The following CEP350 variants were observed in gnomAD, a reference collection of about 807,000 sequenced individuals.
CEP350 encodes centrosomal protein 350.
CEP350 carries 126 observed loss-of-function variants against 331.8 expected under a neutral mutation model. The ratio of observed to expected loss-of-function variants is 0.38; its 90% CI spans 0.33 to 0.44. The LOEUF (loss-of-function observed/expected upper bound fraction) is 0.44, where lower values mean the gene tolerates loss of function less well. CEP350 is among the 20% of genes least tolerant of loss of function. CEP350 has a pLI of 1.00. For synonymous variants in CEP350, 1,200 were observed against 1,259.5 expected, an observed-to-expected ratio of 0.95 and a Z score of 1.00; for missense variants, 3,406 against 3,634.6, an observed-to-expected ratio of 0.94 and a Z score of 1.62.
At chr1:180,110,665 T>C (rs1318394225) in intron 37 of CEP350, among the ~76,000 whole-genome samples, 1 of 152,238 alleles carries the variant, frequency 6.6e-6, no homozygotes, top group Non-Finnish European at 1.5e-5. Flanking sequence ...TTTCCTCCCA[T>C]TAAATTCCTT....
At chr1:180,038,224 T>TTTTTG (rs373193114) in intron 17 of CEP350, among the ~76,000 whole-genome samples, 4 of 152,210 alleles carry the variant, frequency 2.6e-5, no homozygotes, top group Admixed American at 6.5e-5. Context: ...TATCAGTAGT[T>TTTTTG]TTTTGTTTTG....
intron 6 of CEP350, among the ~76,000 whole-genome samples, chr1:179,997,586 T>TA (rs1420717115): frequency 6.6e-6 from 1 of 150,682 alleles, no homozygotes; most frequent in African/African-American, 2.4e-5. Context: ...ATGTTAAAAA[T>TA]ACAGATTCCT....
chr1:180,075,596 A>C (rs892516000), intron 28 of CEP350, among the ~76,000 whole-genome samples: 1 of 151,972 alleles, frequency 6.6e-6, no homozygotes, highest in African/African-American at 2.4e-5. Flanking sequence ...TTAAAATGCA[A>C]ATGATTGAGG....
At chr1:180,080,708 C>G in intron 30 of CEP350, 47 bp downstream of exon 30, 1 of 1,535,552 alleles carries the variant, frequency 6.5e-7, no homozygotes, top group Non-Finnish European at 9.0e-7. Flanking sequence ...ATTTGAACAG[C>G]CTTTACTCTA....
chr1:179,987,243 A>T lies in CEP350; in HGVS notation c.77A>T (p.Asp26Val). 1 of 1,528,208 alleles carries T rather than the reference A, an allele frequency of 6.5e-7. No homozygotes were observed. The highest frequency in any genetic ancestry group is 9.0e-7 in the Non-Finnish European group (1 of 1,112,070). The allele number at this position is 1,528,208 out of a possible 1,614,324, so 94.7% of individuals were successfully genotyped here. ...NSQSKDTVQA[D>V]ITTSWDALSQ... ...TAAATATCATTTTTTTTCCCAGCAG[A>T]TATAACCACATCGTGGGATGCACTT... Residue 26 changes from aspartate to valine, a missense_variant, in exon 3 of 38, where the codon GAT becomes GTT. Coordinates refer to ENST00000367607, the MANE Select transcript of CEP350 (RefSeq NM_014810.5).
chr1:180,007,870 G>GTGTGTT (rs1462032433), intron 8 of CEP350, among the ~76,000 whole-genome samples: 13 of 151,228 alleles, frequency 8.6e-5, no homozygotes, highest in Non-Finnish European at 1.3e-4. Flanking sequence ...GTGTGTGTGT[G>GTGTGTT]TGTGTGTGTT....
intron 5 of CEP350, among the ~76,000 whole-genome samples, chr1:179,996,073 T>A (rs1653435780): frequency 1.3e-5 from 2 of 152,192 alleles, no homozygotes; most frequent in Admixed American, 1.3e-4. Flanking sequence ...TCTTAGGAAA[T>A]CTCTTTACAT....
intron 1 of CEP350, among the ~76,000 whole-genome samples, chr1:179,964,851 TG>T (rs543842276): frequency 8.6e-4 from 130 of 152,028 alleles, no homozygotes; most frequent in Admixed American, 1.6e-3. Context: ...ATCCTTTGTA[TG>T]TTTTTTTTGT....
Position 180,024,080 on chromosome 1 carries a change from ATTG to A in CEP350, c.3387-336_3387-334del, listed in dbSNP as rs137892229. Among the ~76,000 whole-genome samples, 877 of 152,076 alleles carry A rather than the reference ATTG, an allele frequency of 5.8e-3. 9 individuals carry two copies. Among genetic ancestry groups the A allele is most frequent in the Admixed American group, 0.011 (172 of 15,276 alleles). Reference sequence around the variant, plus strand: ...AGGTAGAGGTAGAACATATTAAGTTATTGTTCTCCATAAGAATATAAGAGGAGA... The same window carrying A: ...AGGTAGAGGTAGAACATATTAAGTTATTCTCCATAAGAATATAAGAGGAGA... On this transcript the variant is annotated intron_variant, in intron 13 of 37. Coordinates refer to ENST00000367607, the MANE Select transcript of CEP350 (RefSeq NM_014810.5).
Position 180,083,163 on chromosome 1 carries a change from T to A in CEP350, c.6125-855T>A, listed in dbSNP as rs952825908. ...TAAGTCTTAAGATTTGTGTATATTA[T>A]TTCTGTTGTAAGACTATTAAATGTC... On this transcript the variant is annotated intron_variant, in intron 30 of 37. Coordinates refer to ENST00000367607, the MANE Select transcript of CEP350 (RefSeq NM_014810.5). Among the ~76,000 whole-genome samples the A allele has an allele frequency of 6.7e-4, 102 of 152,376 alleles. 1 individual carries two copies. The highest frequency in any genetic ancestry group is 2.4e-3 in the African/African-American group (99 of 41,598).
At chr1:179,968,906 T>G (rs958683030) in intron 1 of CEP350, 1 of 755,830 alleles carries the variant, frequency 1.3e-6, no homozygotes, top group African/African-American at 1.7e-5. Flanking sequence ...CAGAAGGCTG[T>G]GTTGAAGTTT....
chr1:180,004,299 T>A lies in CEP350; in HGVS notation c.1132+1012T>A, dbSNP rs545582815. ...CTGCCTTCTCTCTTGTTACGGTAGA[T>A]GAACTATGATGTTCCTAGCTAAGAC... On this transcript the variant is annotated intron_variant, in intron 7 of 37. Coordinates refer to ENST00000367607, the MANE Select transcript of CEP350 (RefSeq NM_014810.5). 1.1e-4 allele frequency among the ~76,000 whole-genome samples: 16 copies of A among 152,234 alleles called. No homozygotes were observed. In the South Asian group the frequency reaches 1.2e-3, roughly 12 times the overall value.
intron 7 of CEP350, among the ~76,000 whole-genome samples, chr1:180,005,638 CA>C (rs965493766): frequency 2.6e-5 from 4 of 152,172 alleles, no homozygotes; most frequent in Non-Finnish European, 5.9e-5. Flanking sequence ...CATAATCTCT[CA>C]AAACCTTCCA....
In CEP350 at chr1:179,992,275, C is replaced by T. The variant is rs1653154813; in HGVS notation, c.395+54C>T. ...AAATAGGTTTAGCCTGTAATATTTA[C>T]AGTAAGAGTATACGTTGTTTTCTGA... On this transcript the variant is annotated intron_variant, in intron 5 of 37. Coordinates refer to ENST00000367607, the MANE Select transcript of CEP350 (RefSeq NM_014810.5). 1.6e-5 allele frequency: 22 copies of T among 1,374,536 alleles called. No individual in the cohort carries two copies. The South Asian group carries it at 3.6e-4, about 22-fold the overall frequency. 85.1% of individuals were successfully genotyped at this position (1,374,536 alleles called of 1,614,324 possible).
intron 27 of CEP350, among the ~76,000 whole-genome samples, chr1:180,067,695 A>G (rs1214492915): frequency 2.0e-5 from 3 of 152,232 alleles, no homozygotes; most frequent in African/African-American, 7.2e-5. Flanking sequence ...GTCTCAAAAA[A>G]AAAGAAATCT....
At chr1:179,966,206 C>T (rs567733767) in intron 1 of CEP350, among the ~76,000 whole-genome samples, 113 of 152,194 alleles carry the variant, frequency 7.4e-4, no homozygotes, top group Non-Finnish European at 1.2e-3. Context: ...TTTTATTTGC[C>T]TTCTATAAAG....
chr1:180,052,622 A>AT (rs1328776084), intron 22 of CEP350, among the ~76,000 whole-genome samples: 1 of 152,000 alleles, frequency 6.6e-6, no homozygotes, highest in African/African-American at 2.4e-5. Context: ...AATGTTAAAC[A>AT]TTTTTTTCAC....
chr1:180,080,403 G>A (rs1294350444), intron 29 of CEP350, 114 bp from the exon 30 acceptor site: 2 of 908,710 alleles, frequency 2.2e-6, no homozygotes, highest in Non-Finnish European at 3.3e-6. Flanking sequence ...TGTCTTAACA[G>A]TTATCTTAAA....
At chr1:180,025,976 C>G (rs1216005438) in intron 14 of CEP350, among the ~76,000 whole-genome samples, 3 of 152,112 alleles carry the variant, frequency 2.0e-5, no homozygotes, top group Non-Finnish European at 1.5e-5. Context: ...GTGGAAGGAA[C>G]AGGAATAGGA....
Sources: allele counts gnomAD v4.1 joint callset (sites outside exome capture counted in the v4.1 genomes callset), GRCh38; gene constraint gnomAD v4.1.1; transcripts MANE v1.5; gene names NCBI Gene and HGNC (gene_info 2026-07-23, HGNC 2026-07-21).